The following ZNF543 variants were observed in gnomAD, a reference collection of about 807,000 sequenced individuals.
ZNF543 encodes the protein zinc finger protein 543.
In ZNF543, 10 loss-of-function variants were observed where a neutral mutation model predicts 13.4. The ratio of observed to expected loss-of-function variants is 0.75; its 90% confidence interval spans 0.46 to 1.26. The LOEUF (loss-of-function observed/expected upper bound fraction) is 1.26, where lower values mean the gene tolerates loss of function less well. ZNF543 is among the 50% of genes most tolerant of loss of function. The pLI is 0.00. For synonymous variants in ZNF543, 272 were observed against 264.7 expected, an observed-to-expected ratio of 1.03 and a Z score of -0.27; for missense variants, 768 against 741.2, an observed-to-expected ratio of 1.04 and a Z score of -0.42.
chr19:57,325,155 G>A (rs1009832561), intron 2 of ZNF543, among the ~76,000 whole-genome samples: 1 of 152,194 alleles, frequency 6.6e-6, no homozygotes, highest in Non-Finnish European at 1.5e-5. Flanking sequence ...GGAGCAAGTA[G>A]TATTCCAAGT....
Position 57,327,876 on chromosome 19 carries a change from G to C in ZNF543, c.414G>C (p.Gly138=), listed in dbSNP as rs1169249255. The change falls in exon 4 of 4, where the codon GGG becomes GGC. Residue 138 remains glycine, a synonymous_variant. Coordinates refer to ENST00000321545, the MANE Select transcript of ZNF543 (RefSeq NM_213598.4). ...SEMQEVHLKI[G]IGPQRGKLLE... ...TGCAAGAAGTCCACTTGAAAATAGG[G>C]ATAGGCCCCCAGCGGGGGAAGCTGC... 6.2e-7 allele frequency: 1 copy of C among 1,614,146 alleles called. No homozygotes were observed. Among genetic ancestry groups the C allele is most frequent in the South Asian group, 1.1e-5 (1 of 91,086 alleles).
rs147640914 is a variant in ZNF543 at position 57,329,199 on chromosome 19, C to T, written c.1737C>T (p.Val579=). Residue 579 remains valine, a synonymous_variant, in exon 4 of 4, where the codon GTC becomes GTT. Transcript: ENST00000321545. Reference sequence around the variant, plus strand: ...CTTTTATGACTGCACAGACTTCAGTCAACATCCAGGAACTTTTATTAGGGA... The same window carrying T: ...CTTTTATGACTGCACAGACTTCAGTTAACATCCAGGAACTTTTATTAGGGA... ...GRPFMTAQTS[V]NIQELLLGKE... The T allele has an allele frequency of 1.0e-4, 164 of 1,613,796 alleles. No individual in the cohort carries two copies. The African/African-American group carries it at 1.6e-3, about 16-fold the overall frequency.
In ZNF543 at chr19:57,320,825, G is replaced by A. The variant is rs2088085478; in HGVS notation, c.-29G>A. On this transcript the variant is annotated 5_prime_UTR_variant, in exon 1 of 4. Transcript: ENST00000321545. ...GGGTCGGCTGAGCCGCGGCATTCCC[G>A]GGCCCCGCTAGGGCTGCAGGGTCTC... 1 of 1,613,248 alleles carries A rather than the reference G, an allele frequency of 6.2e-7. No homozygotes were observed. Among genetic ancestry groups the A allele is most frequent in the African/African-American group, 1.3e-5 (1 of 75,016 alleles).
At chr19:57,325,691 A>G (rs1016842071) in intron 2 of ZNF543, among the ~76,000 whole-genome samples, 30 of 152,236 alleles carry the variant, frequency 2.0e-4, no homozygotes, top group South Asian at 4.1e-4. Flanking sequence ...AGCTGGGACC[A>G]CGGGTGCATG....
At position 57,320,827 on chromosome 19, in the gene ZNF543, G is replaced by T. The variant is rs1264045798; in HGVS notation, c.-27G>T. 2 of 1,613,304 alleles carry T rather than the reference G, an allele frequency of 1.2e-6. No homozygotes were observed. Among genetic ancestry groups the T allele is most frequent in the African/African-American group, 1.3e-5 (1 of 74,894 alleles). On this transcript the variant is annotated 5_prime_UTR_variant, in exon 1 of 4. Coordinates refer to ENST00000321545, the MANE Select transcript of ZNF543 (RefSeq NM_213598.4). The stretch of plus-strand genomic sequence containing the variant: ...GTCGGCTGAGCCGCGGCATTCCCGG[G>T]CCCCGCTAGGGCTGCAGGGTCTCAG...
intron 2 of ZNF543, among the ~76,000 whole-genome samples, chr19:57,324,812 TA>T (rs11325378): frequency 0.73 from 111,107 of 151,748 alleles, 40,807 homozygotes; most frequent in African/African-American, 0.75. Flanking sequence ...GCTTAGAATG[TA>T]AAAAAAAAGC....
intron 2 of ZNF543, among the ~76,000 whole-genome samples, chr19:57,325,255 C>T (rs531375918): frequency 1.3e-5 from 2 of 152,290 alleles, no homozygotes; most frequent in African/African-American, 4.8e-5. Flanking sequence ...TTTTTCACTG[C>T]ACTGTCATTG....
In ZNF543 at chr19:57,329,284, C is replaced by A; in HGVS notation, c.*19C>A. ...GTGGTGAAAGGGAACATCTTACCAT[C>A]TGGCCATTCACACTGAAGAGAAACT... On this transcript the variant is annotated 3_prime_UTR_variant, in exon 4 of 4. Coordinates refer to ENST00000321545, the MANE Select transcript of ZNF543 (RefSeq NM_213598.4). The A allele has an allele frequency of 1.3e-6, 2 of 1,575,078 alleles. No homozygotes were observed. The highest frequency in any genetic ancestry group is 1.7e-6 in the Non-Finnish European group (2 of 1,161,826).
chr19:57,323,887 T>A, intron 2 of ZNF543, 79 bp downstream of exon 2: 5 of 1,531,688 alleles, frequency 3.3e-6, no homozygotes, highest in Non-Finnish European at 4.4e-6. Flanking sequence ...CACAGCCCAC[T>A]TGTTCTGAGG....
rs1210421502 is a variant in ZNF543, at chr19:57,328,012, C to A, written c.550C>A (p.His184Asn). Residue 184 changes from histidine (H) to asparagine (N), a missense_variant, in exon 4 of 4, where the codon CAT (histidine) becomes AAT (asparagine). Coordinates refer to ENST00000321545, the MANE Select transcript of ZNF543 (RefSeq NM_213598.4). ...AGGTGATCTCTATGAATGTGATTCA[C>A]ATGGACCAGTTACAGATGCCTTGAT... Reference protein sequence around the residue: ...TEGDLYECDSHGPVTDALIRE... With the variant: ...TEGDLYECDSNGPVTDALIRE... 6.2e-7 allele frequency: 1 copy of A among 1,614,090 alleles called. No homozygotes were observed. The highest frequency in any genetic ancestry group is 1.3e-5 in the African/African-American group (1 of 74,932).
At position 57,320,868 on chromosome 19, in the gene ZNF543, G is replaced by A. The variant is rs775996531; in HGVS notation, c.15G>A (p.Ala5=). The A allele has an allele frequency of 6.2e-7, 1 of 1,614,014 alleles. No individual in the cohort carries two copies. The highest frequency in any genetic ancestry group is 8.5e-7 in the Non-Finnish European group (1 of 1,179,962). MAAS[A]QVSVTFEDVA... ...AGGGTCTCAGGATGGCAGCCTCGGCGCAGGTGAGTGGACGAGGTTTTGGCC... is the reference window on the plus strand; with the variant it reads ...AGGGTCTCAGGATGGCAGCCTCGGCACAGGTGAGTGGACGAGGTTTTGGCC... Residue 5 remains alanine (A), a synonymous_variant, in exon 1 of 4, where the codon GCG becomes GCA. Coordinates refer to ENST00000321545, the MANE Select transcript of ZNF543 (RefSeq NM_213598.4).
In ZNF543 at chr19:57,329,016, G is replaced by A. The variant is rs756892598; in HGVS notation, c.1554G>A (p.Arg518=). The change falls in exon 4 of 4, where the codon CGG becomes CGA. Residue 518 remains arginine, a synonymous_variant. Transcript: ENST00000321545. ...TCCAGTGTGGGAAAGCCTTTTGCCG[G>A]AGCGCAAACCTTATTCGACACTCCA... ...ECIQCGKAFC[R]SANLIRHSII... The A allele has an allele frequency of 1.2e-6, 2 of 1,613,940 alleles. No homozygotes were observed. Among genetic ancestry groups the A allele is most frequent in the South Asian group, 2.2e-5 (2 of 91,080 alleles).
In ZNF543 at chr19:57,330,402, A is replaced by G. The variant is rs1334732415; in HGVS notation, c.*1137A>G. 2 of 151,924 alleles carry G rather than the reference A, an allele frequency of 1.3e-5. No individual in the cohort carries two copies. Among genetic ancestry groups the G allele is most frequent in the Admixed American group, 6.6e-5 (1 of 15,252 alleles). The allele number at this position is 151,924 out of a possible 1,614,324, so 9.4% of individuals were successfully genotyped here. A position where few individuals can be genotyped will look rare whatever the true frequency, so the allele number is the denominator to read the frequency against. On this transcript the variant is annotated 3_prime_UTR_variant, in exon 4 of 4. Coordinates refer to ENST00000321545, the MANE Select transcript of ZNF543 (RefSeq NM_213598.4). Reference sequence around the variant, plus strand: ...TTTACCTCTCCTTTGAGTTAGGTCCACCTCAGTTTTCTAAAGGTCAAATTA... The same window carrying G: ...TTTACCTCTCCTTTGAGTTAGGTCCGCCTCAGTTTTCTAAAGGTCAAATTA...
chr19:57,323,504 A>G, intron 1 of ZNF543, 178 bp from the exon 2 acceptor site: 1 of 825,762 alleles, frequency 1.2e-6, no homozygotes, highest in Non-Finnish European at 2.0e-6. Context: ...CACTGCTGTA[A>G]TTTATCCAAG....
rs1370008469 is a variant in ZNF543 at position 57,328,000 on chromosome 19, G to A, written c.538G>A (p.Glu180Lys). The change falls in exon 4 of 4, where the codon GAA (glutamate) becomes AAA (lysine). Residue 180 changes from glutamate to lysine, a missense_variant. Physicochemically the swap from Glu to Lys is moderately conservative, Grantham distance 56. Around this residue, in one of 3 missense-constraint regions of ZNF543, gnomAD observed 677 missense variants for 631.4 expected, o/e 1.07. Transcript: ENST00000321545. ...AGTTTCAACAGAAGGTGATCTCTAT[G>A]AATGTGATTCACATGGACCAGTTAC... ...KQVSTEGDLY[E>K]CDSHGPVTDA... The A allele has an allele frequency of 6.2e-7, 1 of 1,614,220 alleles. No homozygotes were observed.
intron 1 of ZNF543, among the ~76,000 whole-genome samples, chr19:57,321,902 A>T (rs1824672965): frequency 6.6e-6 from 1 of 152,144 alleles, no homozygotes; most frequent in Non-Finnish European, 1.5e-5. Flanking sequence ...ACTAAAAAAA[A>T]ATGGTTTATT....
At chr19:57,326,547 T>A (rs1032006474) in intron 2 of ZNF543, 86 bp from the exon 3 acceptor site, 2 of 999,118 alleles carry the variant, frequency 2.0e-6, no homozygotes, top group South Asian at 1.4e-5. Context: ...TTCATGGTCT[T>A]CCCCATCCTG....
In ZNF543 at chr19:57,330,587, T is replaced by C. The variant is rs1317531811; in HGVS notation, c.*1322T>C. On this transcript the variant is annotated 3_prime_UTR_variant, in exon 4 of 4. Transcript: ENST00000321545. ...TAACAGGCAAGCCGGCATGCATATA[T>C]GTAGGGATGTGTGACTTTCACAGTT... 1 of 152,154 alleles carries C rather than the reference T, an allele frequency of 6.6e-6. No individual in the cohort carries two copies. The highest frequency in any genetic ancestry group is 6.5e-5 in the Admixed American group (1 of 15,270). 9.4% of individuals were successfully genotyped at this position (152,154 alleles called of 1,614,324 possible). A position where few individuals can be genotyped will look rare whatever the true frequency, so the allele number is the denominator to read the frequency against.
rs551572076 is a variant in ZNF543 at position 57,322,432 on chromosome 19, G to A, written c.19-1250G>A. Among the ~76,000 whole-genome samples, 15 of 150,328 alleles carry A rather than the reference G, an allele frequency of 1.0e-4. No individual in the cohort carries two copies. In the South Asian group the frequency reaches 3.2e-3, roughly 32 times the overall value. On this transcript the variant is annotated intron_variant, in intron 1 of 3. Coordinates refer to ENST00000321545, the MANE Select transcript of ZNF543 (RefSeq NM_213598.4). ...TATCCAGCTTGGGAGGCTAAGGCAG[G>A]AGGATCATGAGTTCAAGCCCAACCT... is the stretch of plus-strand genomic sequence containing the variant.
Sources: gnomAD v4.1 joint callset for allele counts (sites outside exome capture counted in the v4.1 genomes callset) on GRCh38, gnomAD v4.1.1 for gene constraint, gnomAD v4.1.1 regional missense constraint, MANE v1.5 for transcripts, NCBI Gene and HGNC (gene_info 2026-07-23, HGNC 2026-07-21) for gene names.